ELAVL4: variants seen among roughly 807,000 people sequenced by gnomAD.
ELAVL4 encodes ELAV like RNA binding protein 4, also known as ELAV-like protein 4.
A neutral mutation model predicts 35.6 loss-of-function variants in ELAVL4; 1 was observed. That is an observed-to-expected ratio of 0.03 (90% CI 0.01 to 0.13). The LOEUF (loss-of-function observed/expected upper bound fraction) is 0.13. Among genes scored for constraint, ELAVL4 ranks in the 10% least tolerant of loss-of-function variants. ELAVL4 has a pLI of 1.00. For missense variants in ELAVL4, 267 were observed against 464.9 expected, an observed-to-expected ratio of 0.57 and a Z score of 3.91; for synonymous variants, 156 against 171.0, an observed-to-expected ratio of 0.91 and a Z score of 0.69.
chr1:50,110,089 TTG>T (rs1157248225), intron 1 of ELAVL4: 3 of 1,275,594 alleles, frequency 2.4e-6, no homozygotes, highest in Non-Finnish European at 3.3e-6. Context: ...TGCTGATCGT[TTG>T]TGTGTGTATG....
At chr1:50,114,327 G>T (rs534973942) in intron 1 of ELAVL4, among the ~76,000 whole-genome samples, 9 of 152,210 alleles carry the variant, frequency 5.9e-5, no homozygotes, top group Non-Finnish European at 1.3e-4. Context: ...TAAGATGGAA[G>T]TGTTAACATC....
chr1:50,053,146 T>C (rs572293083), intron 1 of ELAVL4, among the ~76,000 whole-genome samples: 2 of 152,358 alleles, frequency 1.3e-5, no homozygotes, highest in East Asian at 1.9e-4. Flanking sequence ...TTCATTGTAA[T>C]GAAGGTTAAT....
At chr1:50,048,211 C>T (rs1351853841) in intron 1 of ELAVL4, 3 of 1,504,688 alleles carry the variant, frequency 2.0e-6, no homozygotes, top group Middle Eastern at 1.7e-4. Flanking sequence ...AGGCCCCGCA[C>T]CCCCGACTCT....
At chr1:50,062,801 T>C (rs917608661) in intron 1 of ELAVL4, among the ~76,000 whole-genome samples, 1 of 152,174 alleles carries the variant, frequency 6.6e-6, no homozygotes, top group Non-Finnish European at 1.5e-5. Flanking sequence ...AATTTTTGGT[T>C]CAAACATGGA....
chr1:50,066,716 G>T (rs1298850298), intron 1 of ELAVL4, among the ~76,000 whole-genome samples: 2 of 151,996 alleles, frequency 1.3e-5, no homozygotes, highest in Admixed American at 1.3e-4. Context: ...CTAAAGTTTT[G>T]GATACACTGA....
At chr1:50,097,952 G>T (rs1326567775) in intron 1 of ELAVL4, among the ~76,000 whole-genome samples, 2 of 152,156 alleles carry the variant, frequency 1.3e-5, no homozygotes, top group East Asian at 3.8e-4. Flanking sequence ...ATTTCAAGCA[G>T]GAGTTTTTAC....
intron 3 of ELAVL4, among the ~76,000 whole-genome samples, chr1:50,184,649 CA>C (rs1681554398): frequency 6.6e-6 from 1 of 152,210 alleles, no homozygotes; most frequent in Admixed American, 6.5e-5. Context: ...GAAAATTCTG[CA>C]GTGACCCTGA....
intron 1 of ELAVL4, among the ~76,000 whole-genome samples, chr1:50,097,355 CAG>C (rs1665763053): frequency 6.6e-6 from 1 of 152,194 alleles, no homozygotes; most frequent in African/African-American, 2.4e-5. Flanking sequence ...AGCATTATTA[CAG>C]TGTAAAGTCA....
intron 2 of ELAVL4, among the ~76,000 whole-genome samples, chr1:50,170,103 G>C (rs1333116105): frequency 1.3e-5 from 2 of 152,168 alleles, no homozygotes; most frequent in East Asian, 3.9e-4. Flanking sequence ...CCTTCAAGAA[G>C]GTTGCGGTTT....
At chr1:50,147,291 A>AATAG (rs1483339300) in intron 2 of ELAVL4, among the ~76,000 whole-genome samples, 2 of 152,240 alleles carry the variant, frequency 1.3e-5, no homozygotes, top group Non-Finnish European at 2.9e-5. Flanking sequence ...AGCAGTGTTT[A>AATAG]ATAGAAGTAA....
At chr1:50,108,323 C>T (rs1666529674), upstream of ELAVL4, among the ~76,000 whole-genome samples, 1 of 152,114 alleles carries the variant, frequency 6.6e-6, no homozygotes, top group African/African-American at 2.4e-5. Context: ...CCCCAACTTG[C>T]TTGCTTTTGA....
chr1:50,126,697 A>T (rs1333321437), intron 1 of ELAVL4, among the ~76,000 whole-genome samples: 2 of 152,170 alleles, frequency 1.3e-5, no homozygotes, highest in African/African-American at 4.8e-5. Context: ...ATTAAAATTA[A>T]GATTGAAGAG....
At chr1:50,064,597 T>C (rs997860097) in intron 1 of ELAVL4, among the ~76,000 whole-genome samples, 5 of 152,158 alleles carry the variant, frequency 3.3e-5, no homozygotes, top group Non-Finnish European at 5.9e-5. Context: ...CAGATTTAAA[T>C]AGTCACCACA....
At chr1:50,187,127 C>CT (rs1453448428) in intron 3 of ELAVL4, among the ~76,000 whole-genome samples, 1 of 152,164 alleles carries the variant, frequency 6.6e-6, no homozygotes, top group African/African-American at 2.4e-5. Context: ...CTTGTCTGCT[C>CT]TGGGGAGTTT....
intron 2 of ELAVL4, among the ~76,000 whole-genome samples, chr1:50,165,852 GT>G (rs1449447748): frequency 2.0e-5 from 3 of 151,522 alleles, no homozygotes; most frequent in Non-Finnish European, 4.4e-5. Flanking sequence ...ATAAAGGGGA[GT>G]TTATTAAGTA....
chr1:50,120,912 C>T (rs1557730450), intron 1 of ELAVL4, among the ~76,000 whole-genome samples: 1 of 151,954 alleles, frequency 6.6e-6, no homozygotes, highest in East Asian at 1.9e-4. Flanking sequence ...GGGGAATATG[C>T]TTATTTTCTC....
In ELAVL4 at chr1:50,151,247, A is replaced by G. The variant is rs191927392; in HGVS notation, c.250+6050A>G. On this transcript the variant is annotated intron_variant, in intron 2 of 6. Transcript: ENST00000371824. ...AACTGACTCCTCCCCTTTACAAACT[A>G]ACTCAGCTTGTATACCTAGGGAATG... Among the ~76,000 whole-genome samples, 25 of 152,334 alleles carry G rather than the reference A, an allele frequency of 1.6e-4. 1 individual carries two copies. Among genetic ancestry groups the G allele is most frequent in the Admixed American group, 1.1e-3 (17 of 15,300 alleles).
chr1:50,080,529 A>G (rs1664962942), intron 1 of ELAVL4, among the ~76,000 whole-genome samples: 1 of 152,142 alleles, frequency 6.6e-6, no homozygotes, highest in African/African-American at 2.4e-5. Context: ...TATATTTCTA[A>G]CTCACAAATC....
At chr1:50,164,576 G>C (rs1002662082) in intron 2 of ELAVL4, among the ~76,000 whole-genome samples, 1 of 152,162 alleles carries the variant, frequency 6.6e-6, no homozygotes, top group Non-Finnish European at 1.5e-5. Context: ...TGGAAGGATT[G>C]CTTGAGGCCA....
Sources: allele counts gnomAD v4.1 joint callset (sites outside exome capture counted in the v4.1 genomes callset), GRCh38; gene constraint gnomAD v4.1.1; transcripts MANE v1.5; gene names NCBI Gene and HGNC (gene_info 2026-07-23, HGNC 2026-07-21).